Variants in MOV10L1 observed in about 807,000 individuals in gnomAD.
MOV10L1 encodes the protein Mov10 like RNA helicase 1.
A neutral mutation model predicts 143.8 loss-of-function variants in MOV10L1; 110 were observed. The ratio of observed to expected loss-of-function variants is 0.76; its 90% CI spans 0.66 to 0.90. The LOEUF (loss-of-function observed/expected upper bound fraction) is 0.90, where lower values mean the gene tolerates loss of function less well. MOV10L1 is among the 40% of genes least tolerant of loss of function. The probability of loss-of-function intolerance (pLI) is 0.00; values close to 1 mark genes in which losing one functional copy is unlikely to be tolerated. For synonymous variants in MOV10L1, 593 were observed against 581.1 expected (o/e 1.02, Z -0.29); for missense variants, 1,406 against 1,526.8 (o/e 0.92, Z 1.32).
rs2061944335 is a variant in MOV10L1 at position 50,108,841 on chromosome 22, G to C, written c.740G>C (p.Arg247Thr). 7 of 1,613,882 alleles carry C rather than the reference G, an allele frequency of 4.3e-6. No homozygotes were observed. The East Asian group carries it at 6.7e-5, about 15-fold the overall frequency. The change falls in exon 5 of 27, where the codon AGG becomes ACG. Residue 247 changes from arginine to threonine, a missense_variant. Arg to Thr is a moderately conservative substitution (Grantham distance 71). Around this residue, in one of 3 missense-constraint regions of MOV10L1, gnomAD observed 1,233 missense variants for 1,351.4 expected, o/e 0.91. Coordinates refer to ENST00000262794, the MANE Select transcript of MOV10L1 (RefSeq NM_018995.3). The part of the protein sequence containing the change: ...WRALCMTLVK[R>T]RDAAPVHEAT... ...GCACTTTGTATGACCCTAGTGAAGA[G>C]GCGGTAAGAAAATGCTTTTCTGGCC...
At chr22:50,120,716 G>A in intron 10 of MOV10L1, 100 bp downstream of exon 10, 1 of 849,052 alleles carries the variant, frequency 1.2e-6, no homozygotes, top group Middle Eastern at 2.3e-4. Context: ...ACCTTCATCT[G>A]GCTTGTTTTC....
At chr22:50,099,762 A>T (rs113446472) in intron 3 of MOV10L1, among the ~76,000 whole-genome samples, 160 bp downstream of exon 3, 2 of 152,164 alleles carry the variant, frequency 1.3e-5, no homozygotes, top group Non-Finnish European at 1.5e-5. Flanking sequence ...GCAGTGAGCT[A>T]TGATCCAGCC....
At chr22:50,129,741 T>C (rs1367372749) in intron 13 of MOV10L1, among the ~76,000 whole-genome samples, 1 of 152,212 alleles carries the variant, frequency 6.6e-6, no homozygotes, top group African/African-American at 2.4e-5. Context: ...CTGGTAGGTG[T>C]GTAATGCATC....
At chr22:50,133,565 G>T (rs573947011) in intron 13 of MOV10L1, among the ~76,000 whole-genome samples, 1 of 151,198 alleles carries the variant, frequency 6.6e-6, no homozygotes, top group East Asian at 1.9e-4. Context: ...TTTTTAGACA[G>T]AGTCTCACTC....
Position 50,160,973 on chromosome 22 carries a change from T to C in MOV10L1, c.3472T>C (p.Phe1158Leu). Reference sequence around the variant, plus strand: ...TTGTTATTGCCAACAGGACCCCTGTTTTGGTGCTTTGCTGGAATACAGTAT... The same window carrying C: ...TTGTTATTGCCAACAGGACCCCTGTCTTGGTGCTTTGCTGGAATACAGTAT... ...NPHVLVRDPC[F>L]GALLEYSITN... The change falls in exon 26 of 27, where the codon TTT (phenylalanine) becomes CTT (leucine). Residue 1158 changes from phenylalanine to leucine, a missense_variant. By Grantham distance (22) the Phe-to-Leu change is conservative (BLOSUM62 0). This residue lies in a region of MOV10L1 where 1,233 missense variants were observed against 1,351.4 expected (regional missense o/e 0.91). Transcript: ENST00000262794. 1 of 1,614,158 alleles carries C rather than the reference T, an allele frequency of 6.2e-7. No individual in the cohort carries two copies. The highest frequency in any genetic ancestry group is 8.5e-7 in the Non-Finnish European group (1 of 1,180,010).
At chr22:50,112,538 G>A (rs1371230090) in intron 5 of MOV10L1, among the ~76,000 whole-genome samples, 1 of 152,210 alleles carries the variant, frequency 6.6e-6, no homozygotes, top group African/African-American at 2.4e-5. Flanking sequence ...CTTCTCTTTA[G>A]GCTAGTAATG....
chr22:50,149,581 G>T (rs371717596), intron 19 of MOV10L1, 34 bp from the exon 20 acceptor site: 14 of 1,605,062 alleles, frequency 8.7e-6, no homozygotes, highest in Middle Eastern at 1.6e-4. Context: ...AAACAATTCG[G>T]CAGAAATTAC....
intron 20 of MOV10L1, 116 bp downstream of exon 20, chr22:50,149,830 A>G (rs2063248936): frequency 1.2e-5 from 11 of 887,610 alleles, no homozygotes; most frequent in Non-Finnish European, 1.9e-5. Context: ...TGGAAGTGCC[A>G]AGGACCCCGA....
chr22:50,097,993 C>T (rs1465166865), intron 2 of MOV10L1, among the ~76,000 whole-genome samples: 1 of 151,902 alleles, frequency 6.6e-6, no homozygotes, highest in Non-Finnish European at 1.5e-5. Flanking sequence ...GCCACTACAC[C>T]CAGCTAATTT....
chr22:50,096,303 C>A (rs367630505), intron 2 of MOV10L1: 14 of 152,214 alleles, frequency 9.2e-5, no homozygotes, highest in Non-Finnish European at 1.9e-4. Flanking sequence ...AAGATTTGCC[C>A]ATGTAGCATG....
chr22:50,134,507 C>G, intron 14 of MOV10L1, 23 bp from the exon 15 acceptor site: 1 of 1,603,364 alleles, frequency 6.2e-7, no homozygotes, highest in South Asian at 1.1e-5. Context: ...TACCCGTGCT[C>G]TTACCATTTT....
At chr22:50,160,544 G>A (rs1207400220) in intron 24 of MOV10L1, 144 bp from the exon 25 acceptor site, 11 of 1,050,498 alleles carry the variant, frequency 1.0e-5, no homozygotes, top group East Asian at 2.8e-5. Flanking sequence ...GAGCCACCGC[G>A]CCCGGCCTCC....
intron 8 of MOV10L1, among the ~76,000 whole-genome samples, chr22:50,116,909 G>A (rs2062195667): frequency 6.6e-6 from 1 of 152,098 alleles, no homozygotes; most frequent in Admixed American, 6.5e-5. Flanking sequence ...GCCCGCCTCA[G>A]TCTTCCAAAG....
At position 50,158,226 on chromosome 22, in the gene MOV10L1, G is replaced by A. The variant is rs140564205; in HGVS notation, c.3216+20G>A. ...AAGCAGGTACGCCCTGCCCAGGCACGCCTGGTTCTGTGAGGTCCCTGCAGC... is the reference window on the plus strand; with the variant it reads ...AAGCAGGTACGCCCTGCCCAGGCACACCTGGTTCTGTGAGGTCCCTGCAGC... On this transcript the variant is annotated intron_variant, in intron 23 of 26. Transcript: ENST00000262794. The surrounding 1 kb of genome is among the most constrained non-coding windows in gnomAD (Gnocchi z 5.0). 20,916 of 1,613,650 alleles carry A rather than the reference G, an allele frequency of 0.013. 170 individuals carry two copies. Among genetic ancestry groups the A allele is most frequent in the Non-Finnish European group, 0.015 (17,523 of 1,179,864 alleles).
chr22:50,112,399 C>CA (rs1366689021), intron 5 of MOV10L1, among the ~76,000 whole-genome samples: 1 of 152,204 alleles, frequency 6.6e-6, no homozygotes, highest in Admixed American at 6.5e-5. Context: ...ACCTCATCCC[C>CA]AGGCAGAAGC....
At chr22:50,097,564 A>G (rs2062620713) in intron 2 of MOV10L1, among the ~76,000 whole-genome samples, 1 of 152,158 alleles carries the variant, frequency 6.6e-6, no homozygotes, top group Non-Finnish European at 1.5e-5. Context: ...AATTGACTGC[A>G]CATGCAAGGG....
chr22:50,134,453 A>G, intron 14 of MOV10L1, 77 bp from the exon 15 acceptor site: 2 of 1,155,730 alleles, frequency 1.7e-6, no homozygotes, highest in Non-Finnish European at 2.6e-6. Context: ...CTTTAGGGTC[A>G]GCCATAAACA....
At position 50,143,061 on chromosome 22, in the gene MOV10L1, C is replaced by T. The variant is rs1218975542; in HGVS notation, c.2198C>T (p.Pro733Leu). The change falls in exon 17 of 27, where the codon CCT becomes CTT. Residue 733 changes from proline (P) to leucine (L), a missense_variant. Physicochemically the swap from Pro to Leu is moderately conservative, Grantham distance 98 (BLOSUM62 -3). Transcript: ENST00000262794. ...MSDWVDEIQT[P>L]KARKMEFFNP... ...AATACAGTAGATGAAATTCAGACCC[C>T]TAAAGCAAGAAAGATGGAGTTTTTC... 35 of 1,614,016 alleles carry T rather than the reference C, an allele frequency of 2.2e-5. No homozygotes were observed. The highest frequency in any genetic ancestry group is 2.8e-5 in the Non-Finnish European group (33 of 1,180,016).
At chr22:50,128,124 G>A (rs760959918) in intron 12 of MOV10L1, among the ~76,000 whole-genome samples, 31 of 152,130 alleles carry the variant, frequency 2.0e-4, no homozygotes, top group Non-Finnish European at 2.2e-4. Flanking sequence ...TACCCTTGTG[G>A]TTGTTTTGTT....
Sources: gnomAD v4.1 joint callset for allele counts (sites outside exome capture counted in the v4.1 genomes callset) on GRCh38, gnomAD v4.1.1 for gene constraint, gnomAD v4.1.1 regional missense constraint, Gnocchi (gnomAD v3.1) non-coding constraint, MANE v1.5 for transcripts, NCBI Gene and HGNC (gene_info 2026-07-23, HGNC 2026-07-21) for gene names.